OPRM1: variants seen among roughly 807,000 people sequenced by gnomAD.
The protein encoded by OPRM1 is opioid receptor mu 1.
In OPRM1, 27 loss-of-function variants were observed where a neutral mutation model predicts 31.8. That is an observed-to-expected ratio of 0.85 (90% CI 0.63 to 1.17). The LOEUF (loss-of-function observed/expected upper bound fraction) is 1.17, where lower values mean the gene tolerates loss of function less well. OPRM1 is among the 50% of genes most tolerant of loss of function. The probability of loss-of-function intolerance (pLI) is 0.00; values close to 1 mark genes in which losing one functional copy is unlikely to be tolerated. For missense variants in OPRM1, 536 were observed against 511.1 expected, an observed-to-expected ratio of 1.05 and a Z score of -0.47; for synonymous variants, 196 against 189.9, an observed-to-expected ratio of 1.03 and a Z score of -0.26.
At chr6:154,221,730 C>T (rs910459118) in intron 3 of OPRM1, among the ~76,000 whole-genome samples, 21 of 151,950 alleles carry the variant, frequency 1.4e-4, no homozygotes, top group Non-Finnish European at 2.2e-4. Flanking sequence ...AAAAATTAGC[C>T]GGGCATGGTG....
At chr6:154,144,144 C>T (rs938651633) in intron 3 of OPRM1, among the ~76,000 whole-genome samples, 29 of 152,116 alleles carry the variant, frequency 1.9e-4, no homozygotes, top group Admixed American at 1.6e-3. Context: ...AATTTCAATA[C>T]CCTGTAAGTA....
chr6:154,240,699 C>G (rs1404350417), intron 3 of OPRM1, among the ~76,000 whole-genome samples: 2 of 152,118 alleles, frequency 1.3e-5, no homozygotes, highest in Non-Finnish European at 2.9e-5. Flanking sequence ...ATATGCCTTC[C>G]AAAGATAAGA....
At position 154,070,427 on chromosome 6, in the gene OPRM1, A is replaced by G. The variant is rs1786435515; in HGVS notation, c.291-19399A>G. Among the ~76,000 whole-genome samples, 3 of 152,364 alleles carry G rather than the reference A, an allele frequency of 2.0e-5. No homozygotes were observed. In the South Asian group the frequency reaches 6.2e-4, roughly 32 times the overall value. On this transcript the variant is annotated intron_variant, in intron 1 of 3. Coordinates refer to ENST00000330432, the MANE Select transcript of OPRM1 (RefSeq NM_000914.5). ...AGATTCTTGATGCTTCTACTCATCC[A>G]TCTGCCCAGAATCTTTGCCACTGTT...
intron 3 of OPRM1, among the ~76,000 whole-genome samples, chr6:154,235,214 C>A (rs1337915335): frequency 6.6e-6 from 1 of 152,158 alleles, no homozygotes; most frequent in Non-Finnish European, 1.5e-5. Context: ...AAATCAGGTG[C>A]ATTCTCTTTG....
At chr6:154,060,601 G>T (rs487511) in intron 1 of OPRM1, among the ~76,000 whole-genome samples, 4 of 152,086 alleles carry the variant, frequency 2.6e-5, no homozygotes, top group African/African-American at 9.7e-5. Flanking sequence ...TTTGCTTATT[G>T]TATCAATATG....
intron 1 of OPRM1, among the ~76,000 whole-genome samples, chr6:154,047,730 TTTTG>T (rs1358999247): frequency 6.6e-6 from 1 of 152,178 alleles, no homozygotes; most frequent in African/African-American, 2.4e-5. Flanking sequence ...TTTGTTTGTT[TTTTG>T]TTTGTTTTAA....
chr6:154,232,819 T>A (rs1173101094), intron 3 of OPRM1, among the ~76,000 whole-genome samples: 1 of 151,876 alleles, frequency 6.6e-6, no homozygotes, highest in Non-Finnish European at 1.5e-5. Context: ...TTAACATAGA[T>A]GTGTGTAATA....
At chr6:154,056,401 C>A (rs1325688280) in intron 1 of OPRM1, among the ~76,000 whole-genome samples, 4 of 151,850 alleles carry the variant, frequency 2.6e-5, no homozygotes, top group African/African-American at 9.7e-5. Context: ...GGATTACAGG[C>A]GTGAGCCAAC....
chr6:154,218,281 T>C lies in OPRM1; in HGVS notation c.1165-28412T>C, dbSNP rs1192779471. On this transcript the variant is annotated intron_variant, in intron 3 of 3. Coordinates refer to the OPRM1 transcript ENST00000337049. ...TTGATGTACAAAACAAGAGCATTCT[T>C]CCCACAGTGTCTGAGAAAGGCAGCT... Among the ~76,000 whole-genome samples the C allele has an allele frequency of 5.3e-5, 8 of 152,212 alleles. 1 individual carries two copies. In the East Asian group the frequency reaches 1.5e-3, roughly 29 times the overall value.
intron 3 of OPRM1, among the ~76,000 whole-genome samples, chr6:154,101,365 A>G (rs760607448): frequency 1.3e-5 from 2 of 152,160 alleles, no homozygotes; most frequent in Non-Finnish European, 2.9e-5. Context: ...AACTTTTAAA[A>G]ACGCTCTCCT....
chr6:154,187,986 T>C (rs1011226869), intron 3 of OPRM1, among the ~76,000 whole-genome samples: 5 of 152,216 alleles, frequency 3.3e-5, no homozygotes, highest in East Asian at 1.9e-4. Context: ...ATGCCCATGA[T>C]TGCCATTTCT....
chr6:154,094,538 G>T (rs1218523071), intron 3 of OPRM1, among the ~76,000 whole-genome samples: 1 of 152,198 alleles, frequency 6.6e-6, no homozygotes, highest in Non-Finnish European at 1.5e-5. Context: ...CTTGCTCGGA[G>T]GGCAGCTGCC....
intron 1 of OPRM1, among the ~76,000 whole-genome samples, chr6:154,051,998 T>TA (rs1782294592): frequency 1.3e-5 from 2 of 152,056 alleles, no homozygotes; most frequent in Admixed American, 6.6e-5. Flanking sequence ...TATGCAGCCA[T>TA]AAAAAAGAAT....
chr6:154,189,423 A>G lies in OPRM1; in HGVS notation c.1165-57270A>G, dbSNP rs78096494. Among the ~76,000 whole-genome samples the G allele has an allele frequency of 5.6e-3, 855 of 152,338 alleles. 2 individuals are homozygous for G. The highest frequency in any genetic ancestry group is 0.01 in the Middle Eastern group (3 of 294). On this transcript the variant is annotated intron_variant, in intron 3 of 3. Coordinates refer to the OPRM1 transcript ENST00000337049. ...TGCAGGCATATGTGGACCAAAATAC[A>G]TATGTAAGAATTTTCATTAAGAGCA...
intron 3 of OPRM1, among the ~76,000 whole-genome samples, chr6:154,201,582 G>A (rs533912592): frequency 6.6e-6 from 1 of 152,274 alleles, no homozygotes; most frequent in Non-Finnish European, 1.5e-5. Context: ...GGACATGCCT[G>A]TCAACATCAA....
At chr6:154,164,598 T>C (rs545489266) in intron 3 of OPRM1, among the ~76,000 whole-genome samples, 6 of 152,236 alleles carry the variant, frequency 3.9e-5, no homozygotes, top group Admixed American at 2.6e-4. Context: ...ATTCCAAAAA[T>C]ACCATGAAAG....
At chr6:154,107,767 T>C (rs1795813900) in intron 3 of OPRM1, 1 of 718,462 alleles carries the variant, frequency 1.4e-6, no homozygotes, top group African/African-American at 1.7e-5. Flanking sequence ...GCCAAGTTTG[T>C]TGCTGACCAA....
chr6:154,186,853 G>A (rs1294537104), intron 3 of OPRM1, among the ~76,000 whole-genome samples: 1 of 151,978 alleles, frequency 6.6e-6, no homozygotes, highest in Non-Finnish European at 1.5e-5. Flanking sequence ...ACCACGCCCG[G>A]CCCAGAGCAG....
chr6:154,171,674 T>C (rs1034438686), intron 3 of OPRM1, among the ~76,000 whole-genome samples: 11 of 152,216 alleles, frequency 7.2e-5, no homozygotes, highest in African/African-American at 2.7e-4. Flanking sequence ...GAGATTGTCA[T>C]GAGAGCTGAT....
Sources: allele counts gnomAD v4.1 joint callset (sites outside exome capture counted in the v4.1 genomes callset), GRCh38; gene constraint gnomAD v4.1.1; transcripts MANE v1.5; gene names NCBI Gene and HGNC (gene_info 2026-07-23, HGNC 2026-07-21).